Variants in GNA14 observed in about 807,000 individuals in gnomAD.
GNA14 encodes G protein subunit alpha 14.
GNA14 carries 50 observed loss-of-function variants against 42.0 expected under a neutral mutation model. The ratio of observed to expected loss-of-function variants is 1.19; its 90% CI spans 0.95 to 1.51. The LOEUF is 1.51. Ranked by LOEUF, GNA14 falls within the 40% of genes most tolerant of loss-of-function variation. The probability of loss-of-function intolerance (pLI) is 0.00; values close to 1 mark genes in which losing one functional copy is unlikely to be tolerated. For synonymous variants in GNA14, 173 were observed against 163.1 expected, an observed-to-expected ratio of 1.06 and a Z score of -0.46; for missense variants, 473 against 446.2, an observed-to-expected ratio of 1.06 and a Z score of -0.54.
At chr9:77,521,223 T>A (rs1837350562) in intron 2 of GNA14, among the ~76,000 whole-genome samples, 1 of 152,164 alleles carries the variant, frequency 6.6e-6, no homozygotes, top group South Asian at 2.1e-4. Context: ...ATGGACCATG[T>A]GATTTTTAAC....
rs115464743 is a variant in GNA14, at chr9:77,647,384, A to C, written c.124+286T>G. Among the ~76,000 whole-genome samples, 280 of 152,284 alleles carry C rather than the reference A, an allele frequency of 1.8e-3. 2 individuals are homozygous for C. The highest frequency in any genetic ancestry group is 6.3e-3 in the African/African-American group (261 of 41,564). On this transcript the variant is annotated intron_variant, in intron 1 of 6. Coordinates refer to ENST00000341700, the MANE Select transcript of GNA14 (RefSeq NM_004297.4). The stretch of plus-strand genomic sequence containing the variant: ...TGGACGGGGTTTTGAGGAGAGGGGC[A>C]CACCGGAACACATAAGGTACAGCGG...
At chr9:77,533,290 G>A (rs528680712) in intron 1 of GNA14, among the ~76,000 whole-genome samples, 16 of 152,140 alleles carry the variant, frequency 1.1e-4, no homozygotes, top group East Asian at 3.9e-4. Context: ...AGCAATTCTC[G>A]TGCCTCAGCC....
At chr9:77,472,681 G>A (rs1374018087) in intron 2 of GNA14, among the ~76,000 whole-genome samples, 1 of 152,074 alleles carries the variant, frequency 6.6e-6, no homozygotes, top group African/African-American at 2.4e-5. Context: ...CTAATGTGAT[G>A]CTTTTGGAGG....
Position 77,562,875 on chromosome 9 carries a change from G to GT in GNA14, c.125-33623dup, listed in dbSNP as rs548759643. Among the ~76,000 whole-genome samples the GT allele has an allele frequency of 1.1e-3, 163 of 152,220 alleles. 1 individual carries two copies. Among genetic ancestry groups the GT allele is most frequent in the African/African-American group, 3.8e-3 (156 of 41,530 alleles). On this transcript the variant is annotated intron_variant, in intron 1 of 6. Coordinates refer to ENST00000341700, the MANE Select transcript of GNA14 (RefSeq NM_004297.4). ...GGGTCCCATTCCAAGCCAACTCACT[G>GT]TAAGTGGTCTTTTCCTGAATAGATC...
At chr9:77,573,107 T>C (rs1823083316) in intron 1 of GNA14, among the ~76,000 whole-genome samples, 1 of 152,196 alleles carries the variant, frequency 6.6e-6, no homozygotes, top group African/African-American at 2.4e-5. Flanking sequence ...TTAATTTTTC[T>C]GCATCAAAGA....
intron 2 of GNA14, among the ~76,000 whole-genome samples, chr9:77,496,787 G>A (rs1177108735): frequency 1.3e-5 from 2 of 152,174 alleles, no homozygotes; most frequent in Non-Finnish European, 2.9e-5. Flanking sequence ...AGTGCTTACT[G>A]GAGGTTGGGA....
At chr9:77,587,243 T>C (rs947223763) in intron 1 of GNA14, among the ~76,000 whole-genome samples, 1 of 152,092 alleles carries the variant, frequency 6.6e-6, no homozygotes, top group Non-Finnish European at 1.5e-5. Context: ...AGTTTGGCAG[T>C]TTCTCAAAAA....
At chr9:77,480,199 G>C (rs915940629) in intron 2 of GNA14, among the ~76,000 whole-genome samples, 4 of 152,106 alleles carry the variant, frequency 2.6e-5, no homozygotes, top group African/African-American at 7.2e-5. Context: ...GTCATAGATA[G>C]CTCTTATTAT....
intron 1 of GNA14, among the ~76,000 whole-genome samples, chr9:77,571,570 G>A (rs1434884940): frequency 6.6e-6 from 1 of 152,110 alleles, no homozygotes; most frequent in Admixed American, 6.6e-5. Context: ...GGAAGCCGAG[G>A]CGGGCAGATC....
At chr9:77,435,815 G>T (rs1162820072) in intron 2 of GNA14, among the ~76,000 whole-genome samples, 1 of 152,156 alleles carries the variant, frequency 6.6e-6, no homozygotes, top group East Asian at 1.9e-4. Context: ...CAGAGACTCA[G>T]CATCCTTTCC....
chr9:77,585,332 T>C lies in GNA14; in HGVS notation c.125-56079A>G, dbSNP rs758132822. On this transcript the variant is annotated intron_variant, in intron 1 of 6. Coordinates refer to ENST00000341700, the MANE Select transcript of GNA14 (RefSeq NM_004297.4). ...AGACACAGAAGTTCCAAACACAGAGTTGAAGTTTCCTTTTGTAAGGGAAAT... is the reference window on the plus strand; with the variant it reads ...AGACACAGAAGTTCCAAACACAGAGCTGAAGTTTCCTTTTGTAAGGGAAAT... Among the ~76,000 whole-genome samples the C allele has an allele frequency of 4.9e-4, 74 of 152,252 alleles. 1 individual carries two copies. Among genetic ancestry groups the C allele is most frequent in the South Asian group, 1.2e-3 (6 of 4,824 alleles).
intron 1 of GNA14, among the ~76,000 whole-genome samples, chr9:77,643,015 G>T (rs574619180): frequency 6.6e-6 from 1 of 152,066 alleles, no homozygotes; most frequent in African/African-American, 2.4e-5. Flanking sequence ...CCCCCTTTAC[G>T]CTCTGCCTGT....
At chr9:77,503,653 A>AT (rs10689125) in intron 2 of GNA14, among the ~76,000 whole-genome samples, 7,781 of 140,686 alleles carry the variant, frequency 0.055, 675 homozygotes, top group African/African-American at 0.18. Flanking sequence ...AAATTTCAGG[A>AT]TTTTTTTTTT....
chr9:77,644,100 T>C (rs941780249), intron 1 of GNA14, among the ~76,000 whole-genome samples: 1 of 152,114 alleles, frequency 6.6e-6, no homozygotes, highest in African/African-American at 2.4e-5. Flanking sequence ...TATTTGAAGA[T>C]AATGTCTTTA....
At chr9:77,451,224 C>A (rs1461071322) in intron 2 of GNA14, among the ~76,000 whole-genome samples, 1 of 152,078 alleles carries the variant, frequency 6.6e-6, no homozygotes, top group African/African-American at 2.4e-5. Context: ...TGACCCTAAG[C>A]CCTCAGTTTC....
intron 2 of GNA14, among the ~76,000 whole-genome samples, chr9:77,509,754 C>T (rs1415845928): frequency 6.6e-6 from 1 of 152,160 alleles, no homozygotes. Context: ...AAAGTAATCG[C>T]GGTTTTTGTC....
chr9:77,565,219 T>C lies in GNA14; in HGVS notation c.125-35966A>G, dbSNP rs548635102. On this transcript the variant is annotated intron_variant, in intron 1 of 6. Transcript: ENST00000341700. ...ATTCCTGTAAATCTCTGCTGTCCAG[T>C]ATAGTAGCCACCAGCTAAACGTGGT... is the stretch of plus-strand genomic sequence containing the variant. Among the ~76,000 whole-genome samples, 6 of 152,334 alleles carry C rather than the reference T, an allele frequency of 3.9e-5. 1 individual carries two copies. The South Asian group carries it at 1.2e-3, about 32-fold the overall frequency.
At chr9:77,474,942 T>C (rs1458950870) in intron 2 of GNA14, among the ~76,000 whole-genome samples, 2 of 152,012 alleles carry the variant, frequency 1.3e-5, no homozygotes, top group East Asian at 3.9e-4. Context: ...ATGTCCAGAA[T>C]GGTCAAATTC....
chr9:77,488,806 A>C (rs946022333), intron 2 of GNA14, among the ~76,000 whole-genome samples: 3 of 151,030 alleles, frequency 2.0e-5, no homozygotes. Flanking sequence ...AAAAAAAAAA[A>C]AAACAGAACA....
Sources: allele counts gnomAD v4.1 joint callset (sites outside exome capture counted in the v4.1 genomes callset), GRCh38; gene constraint gnomAD v4.1.1; transcripts MANE v1.5; gene names NCBI Gene and HGNC (gene_info 2026-07-23, HGNC 2026-07-21).